TENM3: variants seen among roughly 807,000 people sequenced by gnomAD.
TENM3 encodes the protein teneurin transmembrane protein 3.
In TENM3, 63 loss-of-function variants were observed where a neutral mutation model predicts 255.1. The ratio of observed to expected loss-of-function variants is 0.25; its 90% CI spans 0.20 to 0.30. The LOEUF is 0.30. Among genes scored for constraint, TENM3 ranks in the 10% least tolerant of loss-of-function variants. The pLI, the probability that TENM3 is intolerant of heterozygous loss-of-function variation, is 1.00. For synonymous variants in TENM3, 1,306 were observed against 1,322.3 expected (o/e 0.99, Z 0.27); for missense variants, 2,929 against 3,461.1 (o/e 0.85, Z 3.86).
At chr4:182,475,855 C>T (rs1446132354) in intron 3 of TENM3, among the ~76,000 whole-genome samples, 1 of 152,100 alleles carries the variant, frequency 6.6e-6, no homozygotes, top group East Asian at 1.9e-4. Flanking sequence ...TTCAGTATCC[C>T]TCAAGTGACT....
chr4:181,461,333 T>C, the TENM3 span, among the ~76,000 whole-genome samples: 1 of 152,138 alleles, frequency 6.6e-6, no homozygotes, highest in Non-Finnish European at 1.5e-5. Flanking sequence ...TATTTAGCAA[T>C]TTGATTATTT....
chr4:181,751,955 G>T, the TENM3 span, among the ~76,000 whole-genome samples: 2 of 152,088 alleles, frequency 1.3e-5, no homozygotes, highest in African/African-American at 4.8e-5. Context: ...GTATACCACA[G>T]GTTTTTTGTA....
chr4:181,979,733 A>G, the TENM3 span, among the ~76,000 whole-genome samples: 1 of 152,334 alleles, frequency 6.6e-6, no homozygotes. Flanking sequence ...ACTCAGCCCT[A>G]TAATCTGTGG....
At chr4:182,680,832 C>A in intron 10 of TENM3, 95 bp downstream of exon 10, 2 of 965,778 alleles carry the variant, frequency 2.1e-6, no homozygotes, top group Non-Finnish European at 2.8e-6. Flanking sequence ...CTTTTATACG[C>A]TTCCTTTTGA....
chr4:181,907,408 A>G, the TENM3 span, among the ~76,000 whole-genome samples: 1 of 152,040 alleles, frequency 6.6e-6, no homozygotes, highest in African/African-American at 2.4e-5. Context: ...GGAAATTCAG[A>G]TTTTTCTATG....
chr4:182,729,794 C>T (rs1760542902), intron 14 of TENM3, among the ~76,000 whole-genome samples: 2 of 152,128 alleles, frequency 1.3e-5, no homozygotes, highest in African/African-American at 4.8e-5. Context: ...TCCTTATCGC[C>T]CCCTTAAATC....
At chr4:181,885,969 T>G in the TENM3 span, among the ~76,000 whole-genome samples, 9 of 152,056 alleles carry the variant, frequency 5.9e-5, no homozygotes, top group Admixed American at 5.9e-4. Context: ...GCCTAACATT[T>G]CAATAGGTAG....
At chr4:182,776,554 A>C (rs35817312) in intron 24 of TENM3, among the ~76,000 whole-genome samples, 6,136 of 152,290 alleles carry the variant, frequency 0.04, 188 homozygotes, top group Non-Finnish European at 0.062. Flanking sequence ...AGGAGGGGGA[A>C]ATACTTTGTC....
the TENM3 span, among the ~76,000 whole-genome samples, chr4:181,889,163 G>A: frequency 2.0e-5 from 3 of 152,088 alleles, no homozygotes; most frequent in African/African-American, 7.2e-5. Flanking sequence ...AGTGTTAGAG[G>A]TGGGGCCCGG....
intron 3 of TENM3, among the ~76,000 whole-genome samples, chr4:182,359,539 T>C (rs1481180642): frequency 2.0e-5 from 3 of 150,738 alleles, no homozygotes; most frequent in Non-Finnish European, 3.0e-5. Flanking sequence ...GATGGTAGTT[T>C]GTATTTCTGT....
intron 1 of TENM3, among the ~76,000 whole-genome samples, chr4:182,197,362 A>G (rs944486682): frequency 1.3e-5 from 2 of 152,182 alleles, no homozygotes; most frequent in Admixed American, 6.5e-5. Context: ...GGGATGTGAG[A>G]TAGGGAATAG....
the TENM3 span, among the ~76,000 whole-genome samples, chr4:181,881,378 G>A: frequency 2.0e-5 from 3 of 151,934 alleles, no homozygotes; most frequent in Non-Finnish European, 2.9e-5. Flanking sequence ...AAGTTAAGGG[G>A]AATAAGTTAA....
chr4:182,262,615 C>T (rs1237776147), intron 1 of TENM3, among the ~76,000 whole-genome samples: 1 of 152,022 alleles, frequency 6.6e-6, no homozygotes, highest in Non-Finnish European at 1.5e-5. Context: ...TAATCCACCC[C>T]TTGTTTAGCA....
At chr4:181,805,538 G>C in the TENM3 span, among the ~76,000 whole-genome samples, 1 of 152,030 alleles carries the variant, frequency 6.6e-6, no homozygotes, top group Non-Finnish European at 1.5e-5. Flanking sequence ...GTTCTGTTCA[G>C]AGTTTCTATG....
chr4:182,498,514 C>T (rs1429558209), intron 3 of TENM3, among the ~76,000 whole-genome samples: 1 of 151,904 alleles, frequency 6.6e-6, no homozygotes, highest in Non-Finnish European at 1.5e-5. Flanking sequence ...CTTCCATTAG[C>T]TTTTTCAGTG....
At chr4:182,642,551 C>T (rs1297586600) in intron 5 of TENM3, among the ~76,000 whole-genome samples, 1 of 152,214 alleles carries the variant, frequency 6.6e-6, no homozygotes, top group Non-Finnish European at 1.5e-5. Flanking sequence ...TGTGTGTTCC[C>T]ATCAAGGCAT....
Position 182,486,317 on chromosome 4 carries a change from G to GC in TENM3, c.512-114607_512-114606insC, listed in dbSNP as rs530127032. On this transcript the variant is annotated intron_variant, in intron 3 of 27. Coordinates refer to ENST00000511685, the MANE Select transcript of TENM3 (RefSeq NM_001080477.4). Reference sequence around the variant, plus strand: ...TTAAGAAGTATTTTAATTGTGTGTGGGGGGGAGGGTGGGTGGGTGGTCATC... The same window carrying GC: ...TTAAGAAGTATTTTAATTGTGTGTGGCGGGGGAGGGTGGGTGGGTGGTCATC... Among the ~76,000 whole-genome samples, 1,201 of 148,366 alleles carry GC rather than the reference G, an allele frequency of 8.1e-3. 11 individuals are homozygous for GC. Among genetic ancestry groups the GC allele is most frequent in the Non-Finnish European group, 0.012 (807 of 66,856 alleles).
At chr4:181,951,587 C>T in the TENM3 span, among the ~76,000 whole-genome samples, 11 of 152,228 alleles carry the variant, frequency 7.2e-5, no homozygotes. Context: ...TGGCAGCCTA[C>T]AGCATTTCTG....
chr4:182,427,412 G>A (rs1223745490), intron 3 of TENM3, among the ~76,000 whole-genome samples: 1 of 152,168 alleles, frequency 6.6e-6, no homozygotes, highest in Non-Finnish European at 1.5e-5. Flanking sequence ...GAAGAGCAAG[G>A]AAGCTGGATT....
Sources: allele counts gnomAD v4.1 joint callset (sites outside exome capture counted in the v4.1 genomes callset), GRCh38; gene constraint gnomAD v4.1.1; transcripts MANE v1.5; gene names NCBI Gene and HGNC (gene_info 2026-07-23, HGNC 2026-07-21).